Variants in AARS1 observed in about 807,000 individuals in gnomAD.
AARS1 encodes the protein alanyl-tRNA synthetase 1.
Under a neutral mutation model 108.9 loss-of-function variants are expected in AARS1, and 72 were observed. That is an observed-to-expected ratio of 0.66 (90% CI 0.55 to 0.80). The LOEUF is 0.80. Among genes scored for constraint, AARS1 ranks in the 30% least tolerant of loss-of-function variants. The pLI is 0.00. For synonymous variants in AARS1, 489 were observed against 465.7 expected, an observed-to-expected ratio of 1.05 and a Z score of -0.64; for missense variants, 1,193 against 1,233.2, an observed-to-expected ratio of 0.97 and a Z score of 0.49.
Position 70,259,120 on chromosome 16 carries a change from C to T in AARS1, c.1852G>A (p.Val618Met). Residue 618 changes from valine (V) to methionine (M), a missense_variant, in exon 14 of 21, where the codon GTG (valine) becomes ATG (methionine). Val to Met is a conservative substitution (Grantham distance 21). Coordinates refer to ENST00000261772, the MANE Select transcript of AARS1 (RefSeq NM_001605.3). Reference protein sequence around the residue: ...THILNFALRSVLGEADQKGSL... With the variant: ...THILNFALRSMLGEADQKGSL... ...CCTTTCTGGTCAGCTTCCCCAAGCA[C>T]TGAGCGCAGGGCGAAGTTCAGAATG... 1 of 1,614,180 alleles carries T rather than the reference C, an allele frequency of 6.2e-7. No homozygotes were observed. Among genetic ancestry groups the T allele is most frequent in the African/African-American group, 1.3e-5 (1 of 75,050 alleles).
intron 2 of AARS1, among the ~76,000 whole-genome samples, 165 bp from the exon 3 acceptor site, chr16:70,277,319 A>G (rs1416002303): frequency 6.6e-6 from 1 of 152,188 alleles, no homozygotes. Context: ...GCCAAAGCAG[A>G]GGGTAGCCTC....
At chr16:70,261,344 C>T in intron 12 of AARS1, 187 bp from the exon 13 acceptor site, 1 of 468,250 alleles carries the variant, frequency 2.1e-6, no homozygotes, top group South Asian at 1.9e-5. Flanking sequence ...GACTGTAATC[C>T]CAGCACTTTG....
intron 1 of AARS1, among the ~76,000 whole-genome samples, chr16:70,283,394 T>C (rs187689262): frequency 1.3e-3 from 193 of 145,030 alleles, no homozygotes; most frequent in Non-Finnish European, 1.9e-3. Flanking sequence ...AGACTCCGTC[T>C]CAAAAAAACA....
rs1312337697 is a variant in AARS1 at position 70,258,034 on chromosome 16, T to C, written c.2176A>G (p.Thr726Ala). ...SLTSVEFCGGTHLRNSSHAGA... is the reference protein window; with the variant it reads ...SLTSVEFCGGAHLRNSSHAGA... ...ACTCTGCCCCTCTGCAGTACTCACG[T>C]TCCCCCACAGAACTCAACAGAAGTC... The change falls in exon 15 of 21, where the codon ACG (threonine) becomes GCG (alanine). Residue 726 changes from threonine (T) to alanine (A), a missense_variant and splice_region_variant. Physicochemically the swap from Thr to Ala is moderately conservative, Grantham distance 58. Coordinates refer to ENST00000261772, the MANE Select transcript of AARS1 (RefSeq NM_001605.3). 6 of 1,613,946 alleles carry C rather than the reference T, an allele frequency of 3.7e-6. No homozygotes were observed. Among genetic ancestry groups the C allele is most frequent in the Non-Finnish European group, 5.1e-6 (6 of 1,179,996 alleles).
intron 1 of AARS1, 71 bp from the exon 2 acceptor site, chr16:70,282,855 C>T: frequency 6.7e-7 from 1 of 1,503,058 alleles, no homozygotes. Context: ...CACAAGACTT[C>T]TGGCTTCTCA....
intron 19 of AARS1, 161 bp downstream of exon 19, chr16:70,253,553 C>G (rs1318351037): frequency 1.9e-6 from 2 of 1,046,166 alleles, no homozygotes; most frequent in African/African-American, 3.2e-5. Flanking sequence ...CTACCCTGGC[C>G]CAGGTATGCC....
rs368045599 is a variant in AARS1 at position 70,260,492 on chromosome 16, G to A, written c.1785+552C>T. Among the ~76,000 whole-genome samples, 25 of 152,270 alleles carry A rather than the reference G, an allele frequency of 1.6e-4. No individual in the cohort carries two copies. In the South Asian group the frequency reaches 3.3e-3, roughly 20 times the overall value. Reference sequence around the variant, plus strand: ...CTTGGCTCCCAAAGAAGTAGGTGACGTTAGAAAAGCAATCCGTGAAAACAA... The same window carrying A: ...CTTGGCTCCCAAAGAAGTAGGTGACATTAGAAAAGCAATCCGTGAAAACAA... On this transcript the variant is annotated intron_variant, in intron 13 of 20. Transcript: ENST00000261772.
At chr16:70,262,550 G>T in intron 11 of AARS1, 26 bp from the exon 12 acceptor site, 1 of 1,592,940 alleles carries the variant, frequency 6.3e-7, no homozygotes. Context: ...GCATAGAAAG[G>T]GGACAGTGGG....
At chr16:70,273,398 G>C (rs191433181) in intron 4 of AARS1, among the ~76,000 whole-genome samples, 8 of 152,232 alleles carry the variant, frequency 5.3e-5, no homozygotes. Context: ...TTTATACTAT[G>C]TGATTATACT....
Position 70,254,165 on chromosome 16 carries a change from G to C in AARS1, c.2401-127C>G, listed in dbSNP as rs530560296. 1.2e-5 allele frequency: 16 copies of C among 1,286,064 alleles called. No individual in the cohort carries two copies. In the East Asian group the frequency reaches 3.7e-4, roughly 30 times the overall value. The allele number at this position is 1,286,064 out of a possible 1,614,324, so 79.7% of individuals were successfully genotyped here. ...TGGAAAGGAAAGCAAGGAAAGCTTT[G>C]AGACCAGTCCCTTTAGGAGCAGCTG... On this transcript the variant is annotated intron_variant, in intron 17 of 20. Transcript: ENST00000261772.
At chr16:70,271,353 ACC>A (rs1465387880) in intron 5 of AARS1, among the ~76,000 whole-genome samples, 1 of 151,648 alleles carries the variant, frequency 6.6e-6, no homozygotes, top group Non-Finnish European at 1.5e-5. Context: ...ACATGGAGAA[ACC>A]CCGTCTCCAC....
rs548821661 is a variant in AARS1, at chr16:70,284,675, A to G, written c.-21-1891T>C. On this transcript the variant is annotated intron_variant, in intron 1 of 20. Coordinates refer to ENST00000261772, the MANE Select transcript of AARS1 (RefSeq NM_001605.3). ...GAGAGGTAGGCTGGGGAGAAGTGAC[A>G]GGCTTTGGTGAGAGTGCTGATCACT... is the stretch of plus-strand genomic sequence containing the variant. Among the ~76,000 whole-genome samples the G allele has an allele frequency of 2.6e-5, 4 of 152,294 alleles. No homozygotes were observed. The East Asian group carries it at 7.7e-4, about 29-fold the overall frequency.
intron 16 of AARS1, 108 bp downstream of exon 16, chr16:70,255,620 T>C (rs1365710625): frequency 4.9e-6 from 5 of 1,025,248 alleles, no homozygotes; most frequent in Non-Finnish European, 6.0e-6. Context: ...GCCTGTACTT[T>C]CACTCTGACT....
Position 70,258,114 on chromosome 16 carries a change from A to G in AARS1, c.2096T>C (p.Ile699Thr), listed in dbSNP as rs769778018. Residue 699 changes from isoleucine to threonine, a missense_variant, in exon 15 of 21, where the codon ATT (isoleucine) becomes ACT (threonine). Physicochemically the swap from Ile to Thr is moderately conservative, Grantham distance 89. Coordinates refer to ENST00000261772, the MANE Select transcript of AARS1 (RefSeq NM_001605.3). ...CAGCAACTCGGACACCGGGACCCCA[A>G]TGGAGACGACTCGCACAGGGTCAGG... ...TYPDPVRVVS[I>T]GVPVSELLDD... is the part of the protein sequence containing the mutation. 3.1e-6 allele frequency: 5 copies of G among 1,613,976 alleles called. No homozygotes were observed. Among genetic ancestry groups the G allele is most frequent in the East Asian group, 2.2e-5 (1 of 44,878 alleles).
At chr16:70,257,467 G>A (rs1421833898) in intron 15 of AARS1, among the ~76,000 whole-genome samples, 2 of 152,168 alleles carry the variant, frequency 1.3e-5, no homozygotes. Context: ...TCATTTGGAA[G>A]CAGAAACTTT....
At chr16:70,286,179 TTATATTTATTCGATATAAATTCAA>T (rs1290825390) in intron 1 of AARS1, among the ~76,000 whole-genome samples, 2 of 152,114 alleles carry the variant, frequency 1.3e-5, no homozygotes, top group Non-Finnish European at 2.9e-5. Context: ...CAATCTAAAT[TTATATTTATTCGATATAAATTCAA>T]TATATTTATT....
At chr16:70,287,685 G>A (rs568149436) in intron 1 of AARS1, among the ~76,000 whole-genome samples, 2 of 152,172 alleles carry the variant, frequency 1.3e-5, no homozygotes, top group South Asian at 4.1e-4. Context: ...TGAGGCTGCA[G>A]TGAGCTATGG....
In AARS1 at chr16:70,252,818, G is replaced by A. The variant is rs774645781; in HGVS notation, c.2810C>T (p.Ser937Phe). The A allele has an allele frequency of 6.2e-6, 10 of 1,614,198 alleles. No individual in the cohort carries two copies. The highest frequency in any genetic ancestry group is 5.0e-5 in the Admixed American group (3 of 60,030). The change falls in exon 21 of 21, where the codon TCT becomes TTT. Residue 937 changes from serine (S) to phenylalanine (F), a missense_variant. By Grantham distance (155) the Ser-to-Phe change is radical (BLOSUM62 -2). Transcript: ENST00000261772. Reference sequence around the variant, plus strand: ...AACGTTCTTGCCTGTGGCCTGTGCAGACACATCCTTGCCACCACCTTTACC... The same window carrying A: ...AACGTTCTTGCCTGTGGCCTGTGCAAACACATCCTTGCCACCACCTTTACC... ...MDGKGGGKDV[S>F]AQATGKNVGC...
rs769394060 is a variant in AARS1, at chr16:70,255,747, G to A, written c.2267C>T (p.Thr756Ile). 2.5e-5 allele frequency: 40 copies of A among 1,614,030 alleles called. No homozygotes were observed. The highest frequency in any genetic ancestry group is 3.4e-5 in the Non-Finnish European group (40 of 1,180,016). Reference sequence around the variant, plus strand: ...GCTCACCTTCTGGGCCTCGGCACCTGTGACAGCCACAATCCTCCGGATACC... The same window carrying A: ...GCTCACCTTCTGGGCCTCGGCACCTATGACAGCCACAATCCTCCGGATACC... ...AKGIRRIVAV[T>I]GAEAQKALRK... is the part of the protein sequence containing the mutation. The change falls in exon 16 of 21, where the codon ACA becomes ATA. Residue 756 changes from threonine to isoleucine, a missense_variant. By Grantham distance (89) the Thr-to-Ile change is moderately conservative. Transcript: ENST00000261772.
Sources: allele counts gnomAD v4.1 joint callset (sites outside exome capture counted in the v4.1 genomes callset), GRCh38; gene constraint gnomAD v4.1.1; transcripts MANE v1.5; gene names NCBI Gene and HGNC (gene_info 2026-07-23, HGNC 2026-07-21).